Variants in ZKSCAN5 observed in about 807,000 individuals in gnomAD.
ZKSCAN5 encodes the protein zinc finger with KRAB and SCAN domains 5.
In ZKSCAN5, 28 loss-of-function variants were observed where a neutral mutation model predicts 60.0. The ratio of observed to expected loss-of-function variants is 0.47; its 90% CI spans 0.35 to 0.64. The LOEUF (loss-of-function observed/expected upper bound fraction) is 0.64. Among genes scored for constraint, ZKSCAN5 ranks in the 30% least tolerant of loss-of-function variants. The pLI is 0.01. For missense variants in ZKSCAN5, 881 were observed against 1,034.6 expected, an observed-to-expected ratio of 0.85 and a Z score of 2.04; for synonymous variants, 361 against 371.2, an observed-to-expected ratio of 0.97 and a Z score of 0.31.
At chr7:99,518,443 T>G (rs567973541) in intron 3 of ZKSCAN5, among the ~76,000 whole-genome samples, 12 of 151,976 alleles carry the variant, frequency 7.9e-5, no homozygotes, top group African/African-American at 2.7e-4. Context: ...TTTTTTTTAA[T>G]TAAATTAAAA....
At chr7:99,510,978 A>T (rs1800994232) in intron 2 of ZKSCAN5, among the ~76,000 whole-genome samples, 1 of 152,102 alleles carries the variant, frequency 6.6e-6, no homozygotes, top group Admixed American at 6.6e-5. Flanking sequence ...TCCTGAGCTC[A>T]AGTCATCCAC....
rs1044983281 is a variant in ZKSCAN5 at position 99,534,154 on chromosome 7, A to T, written c.*1905A>T. 1.3e-5 allele frequency: 2 copies of T among 152,378 alleles called. No homozygotes were observed. Among genetic ancestry groups the T allele is most frequent in the Non-Finnish European group, 2.9e-5 (2 of 68,136 alleles). 9.4% of individuals were successfully genotyped at this position (152,378 alleles called of 1,614,324 possible). ...GAATCCTTGAAGAGAAGAAAATGAC[A>T]GGGCAAATAACCACCAATTTAATGC... On this transcript the variant is annotated 3_prime_UTR_variant, in exon 7 of 7. Transcript: ENST00000326775.
In ZKSCAN5 at chr7:99,523,163, C is replaced by CA. The variant is rs35854468; in HGVS notation, c.773-2623dup. On this transcript the variant is annotated intron_variant, in intron 5 of 6. Transcript: ENST00000326775. ...TAGGTGACAATGTGAGACCCTATCT[C>CA]AAAAAAAAAAAAAAAAAAAAAAAAA... is the stretch of plus-strand genomic sequence containing the variant. Among the ~76,000 whole-genome samples the CA allele has an allele frequency of 1.5e-3, 71 of 48,932 alleles. 2 individuals carry two copies. The highest frequency in any genetic ancestry group is 4.1e-3 in the East Asian group (7 of 1,704). 32.1% of individuals were successfully genotyped at this position (48,932 alleles called of 152,430 possible). A position where few individuals can be genotyped will look rare whatever the true frequency, so the allele number is the denominator to read the frequency against.
intron 3 of ZKSCAN5, among the ~76,000 whole-genome samples, chr7:99,514,568 T>G (rs1238985898): frequency 6.6e-6 from 1 of 151,262 alleles, no homozygotes; most frequent in African/African-American, 2.4e-5. Context: ...GCCCAGGAGT[T>G]TGATACCATC....
chr7:99,523,894 T>C (rs552215144), intron 5 of ZKSCAN5, among the ~76,000 whole-genome samples: 1 of 152,264 alleles, frequency 6.6e-6, no homozygotes, highest in South Asian at 2.1e-4. Flanking sequence ...AGGATTATGG[T>C]AGCTCCCTTA....
rs1006141741 is a variant in ZKSCAN5 at position 99,520,678 on chromosome 7, T to G, written c.772+374T>G. 3.9e-5 allele frequency among the ~76,000 whole-genome samples: 6 copies of G among 152,122 alleles called. No homozygotes were observed. The East Asian group carries it at 1.2e-3, about 29-fold the overall frequency. On this transcript the variant is annotated intron_variant, in intron 5 of 6. Transcript: ENST00000326775. ...TTGAGTCCTTTGGACTTTAACAAAT[T>G]TTTGGTAGTTACTATACTGTTTAAT... is the stretch of plus-strand genomic sequence containing the variant.
In ZKSCAN5 at chr7:99,512,459, G is replaced by C. The variant is rs771279384; in HGVS notation, c.421G>C (p.Ala141Pro). Residue 141 changes from alanine (A) to proline (P), a missense_variant, in exon 3 of 7, where the codon GCC becomes CCC. Physicochemically the swap from Ala to Pro is conservative, Grantham distance 27. Transcript: ENST00000326775. ...ELEERRQQIV[A>P]CPDVLPRKMA... Reference sequence around the variant, plus strand: ...TTTTGGTTGTGGTTGTTAGATTGTTGCCTGCCCTGATGTGCTTCCTCGGAA... The same window carrying C: ...TTTTGGTTGTGGTTGTTAGATTGTTCCCTGCCCTGATGTGCTTCCTCGGAA... The C allele has an allele frequency of 2.5e-6, 4 of 1,613,534 alleles. No homozygotes were observed. The highest frequency in any genetic ancestry group is 1.7e-5 in the Admixed American group (1 of 59,944).
intron 3 of ZKSCAN5, among the ~76,000 whole-genome samples, chr7:99,517,358 C>T (rs1312885723): frequency 6.6e-6 from 1 of 151,584 alleles, no homozygotes; most frequent in Non-Finnish European, 1.5e-5. Context: ...GCCACTGTGC[C>T]TGGCCCTTCA....
In ZKSCAN5 at chr7:99,515,538, G is replaced by A. The variant is rs1160240963; in HGVS notation, c.553+2947G>A. Among the ~76,000 whole-genome samples the A allele has an allele frequency of 1.1e-4, 17 of 152,086 alleles. No homozygotes were observed. The East Asian group carries it at 3.1e-3, about 28-fold the overall frequency. On this transcript the variant is annotated intron_variant, in intron 3 of 6. Transcript: ENST00000326775. ...AGCTGTTACTGTTATCCTTCTGTTA[G>A]AAATTAAGCTCAGGGCTGGGCCTGG...
chr7:99,519,307 T>C (rs1801412999), intron 3 of ZKSCAN5, among the ~76,000 whole-genome samples: 3 of 142,692 alleles, frequency 2.1e-5, no homozygotes, highest in African/African-American at 7.9e-5. Flanking sequence ...AGACAGTGGC[T>C]GACTCTGTTG....
At position 99,526,329 on chromosome 7, in the gene ZKSCAN5, A is replaced by G; in HGVS notation, c.1289A>G (p.Tyr430Cys). The change falls in exon 6 of 7, where the codon TAT becomes TGT. Residue 430 changes from tyrosine (Y) to cysteine (C), a missense_variant. Tyr to Cys is a radical substitution (Grantham distance 194). This residue lies in a region of ZKSCAN5 where 490 missense variants were observed against 554.5 expected (regional missense o/e 0.88). Transcript: ENST00000326775. Reference sequence around the variant, plus strand: ...AGTGTCCACAGCGGAGAGAGGCCCTATGGCTGCAATGAGTGTGGGAAGAAC... The same window carrying G: ...AGTGTCCACAGCGGAGAGAGGCCCTGTGGCTGCAATGAGTGTGGGAAGAAC... ...HHSVHSGERP[Y>C]GCNECGKNFG... is the part of the protein sequence containing the mutation. The G allele has an allele frequency of 2.5e-6, 4 of 1,609,728 alleles. No homozygotes were observed. The highest frequency in any genetic ancestry group is 3.4e-6 in the Non-Finnish European group (4 of 1,180,012).
chr7:99,505,112 CGG>C (rs1800651462), intron 1 of ZKSCAN5: 1 of 151,438 alleles, frequency 6.6e-6, no homozygotes, highest in Non-Finnish European at 1.5e-5. Flanking sequence ...GGCTGGGACT[CGG>C]GGCCCGCGTC....
intron 6 of ZKSCAN5, among the ~76,000 whole-genome samples, chr7:99,528,453 G>A (rs1322430972): frequency 6.6e-6 from 1 of 152,014 alleles, no homozygotes. Flanking sequence ...TTGAGATAGG[G>A]TCTTGCTCTG....
chr7:99,531,157 T>A lies in ZKSCAN5; in HGVS notation c.1428T>A (p.Ile476=). ...CAAAATTAAGTGTTAAGAAGAAAATTTCAGAATATTCAGAAGCAGACATGG... is the reference window on the plus strand; with the variant it reads ...CAAAATTAAGTGTTAAGAAGAAAATATCAGAATATTCAGAAGCAGACATGG... ...KNTKLSVKKK[I]SEYSEADMEL... The change falls in exon 7 of 7, where the codon ATT becomes ATA. Residue 476 remains isoleucine (I), a synonymous_variant. Transcript: ENST00000326775. The A allele has an allele frequency of 6.2e-7, 1 of 1,603,926 alleles. No individual in the cohort carries two copies. Among genetic ancestry groups the A allele is most frequent in the East Asian group, 2.2e-5 (1 of 44,846 alleles).
At position 99,532,446 on chromosome 7, in the gene ZKSCAN5, A is replaced by G. The variant is rs975962451; in HGVS notation, c.*197A>G. 4.3e-6 allele frequency: 2 copies of G among 466,562 alleles called. No individual in the cohort carries two copies. Among genetic ancestry groups the G allele is most frequent in the African/African-American group, 4.0e-5 (2 of 49,986 alleles). The allele number at this position is 466,562 out of a possible 1,614,324, so 28.9% of individuals were successfully genotyped here. A position where few individuals can be genotyped will look rare whatever the true frequency, so the allele number is the denominator to read the frequency against. On this transcript the variant is annotated 3_prime_UTR_variant, in exon 7 of 7. Coordinates refer to ENST00000326775, the MANE Select transcript of ZKSCAN5 (RefSeq NM_145102.4). ...ATCTTTTCGTGTTCCCCATTGAGAA[A>G]TGCTTTAGTTAGCATCTTCATGCTT...
chr7:99,512,627 C>G (rs1584173461), intron 3 of ZKSCAN5, 36 bp downstream of exon 3: 1 of 1,602,672 alleles, frequency 6.2e-7, no homozygotes, highest in Non-Finnish European at 8.5e-7. Context: ...TGATATAGCT[C>G]AAGAGTGGGT....
At chr7:99,512,903 T>C (rs1801105252) in intron 3 of ZKSCAN5, among the ~76,000 whole-genome samples, 1 of 151,816 alleles carries the variant, frequency 6.6e-6, no homozygotes, top group Non-Finnish European at 1.5e-5. Flanking sequence ...TGTATACATG[T>C]GCCATGCTTG....
chr7:99,528,362 A>G lies in ZKSCAN5; in HGVS notation c.1378+1944A>G, dbSNP rs1801897313. Among the ~76,000 whole-genome samples, 7 of 152,222 alleles carry G rather than the reference A, an allele frequency of 4.6e-5. No individual in the cohort carries two copies. In the South Asian group the frequency reaches 1.4e-3, roughly 32 times the overall value. On this transcript the variant is annotated intron_variant, in intron 6 of 6. Coordinates refer to ENST00000326775, the MANE Select transcript of ZKSCAN5 (RefSeq NM_145102.4). ...ATCTTTTGTTTTCTACCTTCCCTGC[A>G]ATTGTTTCTATGGCTAGTTTCCCAG...
chr7:99,520,737 T>C (rs1801500018), intron 5 of ZKSCAN5, among the ~76,000 whole-genome samples: 1 of 152,104 alleles, frequency 6.6e-6, no homozygotes, highest in East Asian at 1.9e-4. Context: ...TGGTAGCTCA[T>C]GCCTGTAATC....
Sources: allele counts gnomAD v4.1 joint callset (sites outside exome capture counted in the v4.1 genomes callset), GRCh38; gene constraint gnomAD v4.1.1; regional missense constraint gnomAD v4.1.1; transcripts MANE v1.5; gene names NCBI Gene and HGNC (gene_info 2026-07-23, HGNC 2026-07-21).